ADAMTS17: variants seen among roughly 807,000 people sequenced by gnomAD.
ADAMTS17 encodes the protein A disintegrin and metalloproteinase with thrombospondin motifs 17.
In ADAMTS17, 113 loss-of-function variants were observed where a neutral mutation model predicts 141.5. That is an observed-to-expected ratio of 0.80 (90% CI 0.69 to 0.93). The LOEUF (loss-of-function observed/expected upper bound fraction) is 0.93, where lower values mean the gene tolerates loss of function less well. ADAMTS17 is among the 40% of genes least tolerant of loss of function. The pLI is 0.00. For missense variants in ADAMTS17, 1,659 were observed against 1,517.9 expected (o/e 1.09, Z -1.54); for synonymous variants, 768 against 630.6 (o/e 1.22, Z -3.27).
At chr15:100,299,517 A>G (rs2044950746) in intron 3 of ADAMTS17, among the ~76,000 whole-genome samples, 1 of 151,626 alleles carries the variant, frequency 6.6e-6, no homozygotes, top group Non-Finnish European at 1.5e-5. Context: ...GGAAAAGAAA[A>G]AAAAAAAAAA....
chr15:100,315,032 C>T (rs1280295942), intron 3 of ADAMTS17, among the ~76,000 whole-genome samples: 1 of 152,198 alleles, frequency 6.6e-6, no homozygotes, highest in Non-Finnish European at 1.5e-5. Flanking sequence ...AGGGGGCAAA[C>T]CCCGCCGGCT....
intron 15 of ADAMTS17, among the ~76,000 whole-genome samples, chr15:100,070,235 C>G (rs2033868935): frequency 6.9e-6 from 1 of 145,848 alleles, no homozygotes; most frequent in South Asian, 2.1e-4. Flanking sequence ...CACCCAGATT[C>G]ATAAAGCAAG....
chr15:100,021,278 C>A (rs541758497), intron 18 of ADAMTS17, among the ~76,000 whole-genome samples: 1 of 152,106 alleles, frequency 6.6e-6, no homozygotes. Flanking sequence ...AGCCTAGTGG[C>A]CACTTCCTTT....
chr15:100,134,422 C>A (rs1315385046), intron 10 of ADAMTS17, among the ~76,000 whole-genome samples: 1 of 152,184 alleles, frequency 6.6e-6, no homozygotes, highest in Non-Finnish European at 1.5e-5. Context: ...TCCAGGATGA[C>A]AAACCCAATC....
At chr15:100,001,509 C>T (rs575504939) in intron 18 of ADAMTS17, among the ~76,000 whole-genome samples, 2 of 152,178 alleles carry the variant, frequency 1.3e-5, no homozygotes, top group African/African-American at 4.8e-5. Flanking sequence ...CTAAGATGAA[C>T]CATAGATGTG....
At position 100,213,386 on chromosome 15, in the gene ADAMTS17, A is replaced by G. The variant is rs191629988; in HGVS notation, c.1076-13963T>C. On this transcript the variant is annotated intron_variant, in intron 7 of 21. Coordinates refer to ENST00000268070, the MANE Select transcript of ADAMTS17 (RefSeq NM_139057.4). ...TGTTCTCCATTTGATGGATACTGAC[A>G]AATCACCATGATTGCTCAGAAAATC... Among the ~76,000 whole-genome samples, 516 of 152,344 alleles carry G rather than the reference A, an allele frequency of 3.4e-3. 5 individuals carry two copies. Among genetic ancestry groups the G allele is most frequent in the African/African-American group, 0.011 (463 of 41,570 alleles).
At chr15:100,269,115 T>G (rs550192523) in intron 4 of ADAMTS17, among the ~76,000 whole-genome samples, 10 of 152,204 alleles carry the variant, frequency 6.6e-5, no homozygotes, top group Non-Finnish European at 1.5e-4. Flanking sequence ...TTTCACCATA[T>G]ACAAAAATGA....
At chr15:100,265,026 AAAT>A (rs1406707579) in intron 4 of ADAMTS17, among the ~76,000 whole-genome samples, 1 of 152,204 alleles carries the variant, frequency 6.6e-6, no homozygotes, top group African/African-American at 2.4e-5. Flanking sequence ...TTCATGCTCT[AAAT>A]AATGTTCTCT....
At chr15:100,263,338 G>C (rs577302424) in intron 4 of ADAMTS17, among the ~76,000 whole-genome samples, 2 of 152,130 alleles carry the variant, frequency 1.3e-5, no homozygotes, top group Non-Finnish European at 2.9e-5. Flanking sequence ...AGTCACAATG[G>C]CTTGATTCAA....
At chr15:100,055,017 C>T (rs1055845632) in intron 15 of ADAMTS17, among the ~76,000 whole-genome samples, 1 of 152,118 alleles carries the variant, frequency 6.6e-6, no homozygotes, top group Non-Finnish European at 1.5e-5. Context: ...AAAAAAATCC[C>T]AACAACTAAA....
chr15:100,186,470 G>A (rs1414703176), intron 8 of ADAMTS17, among the ~76,000 whole-genome samples: 1 of 152,202 alleles, frequency 6.6e-6, no homozygotes, highest in Non-Finnish European at 1.5e-5. Flanking sequence ...CATGGACTCT[G>A]AATTGCCGCA....
At chr15:100,317,875 G>A (rs1293194377) in intron 3 of ADAMTS17, among the ~76,000 whole-genome samples, 1 of 152,182 alleles carries the variant, frequency 6.6e-6, no homozygotes, top group Non-Finnish European at 1.5e-5. Flanking sequence ...TCCCAAAAGA[G>A]TAACACCAGG....
chr15:100,262,561 C>T lies in ADAMTS17; in HGVS notation c.790-126G>A, dbSNP rs4965298. ...TAAAAATAAGGAAATAGAAATAAAG[C>T]GTAGACTTTAGTTTATAACACTGTA... On this transcript the variant is annotated intron_variant, in intron 4 of 21. Coordinates refer to ENST00000268070, the MANE Select transcript of ADAMTS17 (RefSeq NM_139057.4). 514,500 of 672,586 alleles carry T rather than the reference C, an allele frequency of 0.76. 199,210 individuals are homozygous for T. The highest frequency in any genetic ancestry group is 0.94 in the East Asian group (30,715 of 32,536). The allele number at this position is 672,586 out of a possible 1,614,324, so 41.7% of individuals were successfully genotyped here.
chr15:100,216,171 C>T lies in ADAMTS17; in HGVS notation c.1076-16748G>A, dbSNP rs183249791. ...TGTAAGATGAGATGAACACCTACCT[C>T]GTGGAATTGAGGATTAAATGAATAA... On this transcript the variant is annotated intron_variant, in intron 7 of 21. Coordinates refer to ENST00000268070, the MANE Select transcript of ADAMTS17 (RefSeq NM_139057.4). Among the ~76,000 whole-genome samples, 194 of 152,264 alleles carry T rather than the reference C, an allele frequency of 1.3e-3. 1 individual carries two copies. The highest frequency in any genetic ancestry group is 6.4e-3 in the South Asian group (31 of 4,824).
rs1596505882 is a variant in ADAMTS17 at position 100,315,821 on chromosome 15, A to C, written c.616+15068T>G. Among the ~76,000 whole-genome samples, 3 of 152,370 alleles carry C rather than the reference A, an allele frequency of 2.0e-5. No individual in the cohort carries two copies. The East Asian group carries it at 5.8e-4, about 29-fold the overall frequency. ...TGAAGCCTCATTTAAACACTGCCCC[A>C]GGCCTGGCTTATCCATTTCCAATTG... On this transcript the variant is annotated intron_variant, in intron 3 of 21. Coordinates refer to ENST00000268070, the MANE Select transcript of ADAMTS17 (RefSeq NM_139057.4).
chr15:100,093,818 A>C (rs2035608120), intron 15 of ADAMTS17, among the ~76,000 whole-genome samples: 1 of 152,156 alleles, frequency 6.6e-6, no homozygotes, highest in African/African-American at 2.4e-5. Context: ...GGGTGGGGAC[A>C]ATAACTTATT....
At position 100,341,292 on chromosome 15, in the gene ADAMTS17, CG is replaced by C. The variant is rs1322704391; in HGVS notation, c.196del (p.Arg66AlafsTer97). 3 of 1,115,684 alleles carry C rather than the reference CG, an allele frequency of 2.7e-6. No individual in the cohort carries two copies. Among genetic ancestry groups the C allele is most frequent in the East Asian group, 5.1e-5 (1 of 19,498 alleles). 69.1% of individuals were successfully genotyped at this position (1,115,684 alleles called of 1,614,324 possible). On this transcript the variant is annotated frameshift_variant, in exon 2 of 22. Transcript: ENST00000268070. LOFTEE classifies it high-confidence loss of function. The stretch of plus-strand genomic sequence containing the variant: ...GGCGCGCGGGGCGGCTGGGGGCGTG[CG>C]GGGGCGTCGCCGCCGTCGGGGCCCG... ...APGPRRRRRP[R>X]TPPAAPRARP...
chr15:100,059,069 C>T (rs569676686), intron 15 of ADAMTS17, among the ~76,000 whole-genome samples: 1 of 152,318 alleles, frequency 6.6e-6, no homozygotes, highest in African/African-American at 2.4e-5. Flanking sequence ...GGAAGAGATG[C>T]CTCTAATTGG....
chr15:100,106,183 G>C (rs1273883572), intron 14 of ADAMTS17, among the ~76,000 whole-genome samples: 3 of 152,128 alleles, frequency 2.0e-5, no homozygotes, highest in African/African-American at 7.2e-5. Flanking sequence ...TTATGCCATG[G>C]GAGGACACAG....
Sources: allele counts gnomAD v4.1 joint callset (sites outside exome capture counted in the v4.1 genomes callset), GRCh38; gene constraint gnomAD v4.1.1; transcripts MANE v1.5; gene names NCBI Gene and HGNC (gene_info 2026-07-23, HGNC 2026-07-21).